NUP155: variants seen among roughly 807,000 people sequenced by gnomAD.
The protein encoded by NUP155 is nucleoporin 155, also known as nuclear pore complex protein Nup155.
A neutral mutation model predicts 180.4 loss-of-function variants in NUP155; 71 were observed. That is an observed-to-expected ratio of 0.39 (90% CI 0.33 to 0.48). The LOEUF (loss-of-function observed/expected upper bound fraction) is 0.48. Among genes scored for constraint, NUP155 ranks in the 20% least tolerant of loss-of-function variants. The pLI is 0.91. For missense variants in NUP155, 1,553 were observed against 1,648.9 expected (o/e 0.94, Z 1.01); for synonymous variants, 582 against 559.5 (o/e 1.04, Z -0.57).
chr5:37,323,155 C>G (rs1415573071), intron 20 of NUP155, among the ~76,000 whole-genome samples: 1 of 151,074 alleles, frequency 6.6e-6, no homozygotes, highest in Non-Finnish European at 1.5e-5. Flanking sequence ...CATGGTGGTG[C>G]ACATCTGTAA....
At chr5:37,344,170 T>C (rs1003478296) in intron 9 of NUP155, among the ~76,000 whole-genome samples, 2 of 151,628 alleles carry the variant, frequency 1.3e-5, no homozygotes, top group Admixed American at 6.6e-5. Context: ...TGAAACCCCA[T>C]CTCTACTAAA....
At chr5:37,310,215 G>A (rs1346379012) in intron 23 of NUP155, among the ~76,000 whole-genome samples, 2 of 151,994 alleles carry the variant, frequency 1.3e-5, no homozygotes, top group African/African-American at 4.8e-5. Flanking sequence ...GTGCACACCC[G>A]TAGCCCCTAG....
Position 37,303,342 on chromosome 5 carries a change from C to G in NUP155, c.3235G>C (p.Asp1079His), listed in dbSNP as rs1475457991. Residue 1079 changes from aspartate to histidine, a missense_variant, in exon 28 of 35, where the codon GAT becomes CAT. Physicochemically the swap from Asp to His is moderately conservative, Grantham distance 81 (BLOSUM62 -1). Transcript: ENST00000231498. Reference protein sequence around the residue: ...KVDQNRVRYMDLLWRYYEKNR... With the variant: ...KVDQNRVRYMHLLWRYYEKNR... ...TTCTCGTAATACCGCCAGAGTAAAT[C>G]CATATAACGAACTCTGTTTTGATCA... The G allele has an allele frequency of 3.7e-6, 6 of 1,613,932 alleles. No individual in the cohort carries two copies. Among genetic ancestry groups the G allele is most frequent in the Middle Eastern group, 1.6e-4 (1 of 6,084 alleles).
chr5:37,333,335 A>G, intron 13 of NUP155, 128 bp downstream of exon 13: 3 of 836,182 alleles, frequency 3.6e-6, no homozygotes, highest in Non-Finnish European at 6.0e-6. Flanking sequence ...AGCCTGGGTG[A>G]TGAGCGAGAC....
At chr5:37,314,164 A>G (rs1348562408) in intron 22 of NUP155, 34 bp downstream of exon 22, 1 of 1,468,392 alleles carries the variant, frequency 6.8e-7, no homozygotes, top group Non-Finnish European at 9.5e-7. Flanking sequence ...ACATAGTATT[A>G]ATGGTATAAT....
rs745476310 is a variant in NUP155, at chr5:37,342,639, C to T, written c.1003G>A (p.Asp335Asn). 5 of 1,600,466 alleles carry T rather than the reference C, an allele frequency of 3.1e-6. No homozygotes were observed. The highest frequency in any genetic ancestry group is 2.2e-5 in the South Asian group (2 of 90,794). ...SAAGNIARTI[D>N]RSVFKPIVQI... ...ACAATTGGTTTAAAAACAGAACGAT[C>T]GATGGTCCTAAAAGAAAGGAGAAAA... is the stretch of plus-strand genomic sequence containing the variant. Residue 335 changes from aspartate (D) to asparagine (N), a missense_variant, in exon 10 of 35, where the codon GAT becomes AAT. Transcript: ENST00000231498.
In NUP155 at chr5:37,302,819, G is replaced by A. The variant is rs751646763; in HGVS notation, c.3407C>T (p.Ala1136Val). 1 of 1,613,840 alleles carries A rather than the reference G, an allele frequency of 6.2e-7. No individual in the cohort carries two copies. The highest frequency in any genetic ancestry group is 1.1e-5 in the South Asian group (1 of 91,074). Residue 1136 changes from alanine to valine, a missense_variant, in exon 29 of 35, where the codon GCC becomes GTC. Coordinates refer to ENST00000231498, the MANE Select transcript of NUP155 (RefSeq NM_153485.3). ...TAATTCATGAAGAAATTCACCATCG[G>A]CAGCTATTGATGAAATGGCAGTGGA... is the stretch of plus-strand genomic sequence containing the variant. ...KSSTAISSIAADGEFLHELEE... is the reference protein window; with the variant it reads ...KSSTAISSIAVDGEFLHELEE...
chr5:37,349,707 T>G (rs560852876), intron 7 of NUP155, among the ~76,000 whole-genome samples: 1 of 152,162 alleles, frequency 6.6e-6, no homozygotes, highest in Non-Finnish European at 1.5e-5. Flanking sequence ...ATTTTAAAAT[T>G]CAGTCATATT....
At position 37,364,007 on chromosome 5, in the gene NUP155, C is replaced by A. The variant is rs200539629; in HGVS notation, c.296-23G>T. On this transcript the variant is annotated intron_variant, in intron 2 of 34. Coordinates refer to ENST00000231498, the MANE Select transcript of NUP155 (RefSeq NM_153485.3). ...TATCTGAGGTAGTGTGGATGTAAGG[C>A]AGACAGAGGTGAATCTTATTCTTCT... is the stretch of plus-strand genomic sequence containing the variant. The A allele has an allele frequency of 7.2e-6, 11 of 1,519,628 alleles. No homozygotes were observed. In the African/African-American group the frequency reaches 1.2e-4, roughly 17 times the overall value. The allele number at this position is 1,519,628 out of a possible 1,614,324, so 94.1% of individuals were successfully genotyped here.
intron 3 of NUP155, 129 bp from the exon 4 acceptor site, chr5:37,358,280 A>G: frequency 1.4e-6 from 1 of 723,122 alleles, no homozygotes; most frequent in Non-Finnish European, 2.5e-6. Flanking sequence ...GAAGTTCAAG[A>G]CCAGCCTGGG....
chr5:37,315,437 A>C (rs548192726), intron 21 of NUP155, among the ~76,000 whole-genome samples: 1 of 152,332 alleles, frequency 6.6e-6, no homozygotes, highest in South Asian at 2.1e-4. Flanking sequence ...ACTACTTATA[A>C]TTGATAAAAA....
At chr5:37,315,257 T>G (rs991655328) in intron 21 of NUP155, among the ~76,000 whole-genome samples, 1 of 152,074 alleles carries the variant, frequency 6.6e-6, no homozygotes, top group Non-Finnish European at 1.5e-5. Context: ...GAAAGTTCTA[T>G]CACGGCCAGA....
chr5:37,294,352 A>G lies in NUP155; in HGVS notation c.3907T>C (p.Tyr1303His). 1 of 1,595,188 alleles carries G rather than the reference A, an allele frequency of 6.3e-7. No individual in the cohort carries two copies. Among genetic ancestry groups the G allele is most frequent in the Non-Finnish European group, 8.6e-7 (1 of 1,163,832 alleles). Residue 1303 changes from tyrosine to histidine, a missense_variant, in exon 33 of 35, where the codon TAT becomes CAT. Coordinates refer to ENST00000231498, the MANE Select transcript of NUP155 (RefSeq NM_153485.3). ...ACCCGTGATTTGAACAACTGATCAT[A>G]AACTTCTAGTAGTCTAGGTAATGGT... ...GVPLPRLLEV[Y>H]DQLFKSRDPF...
intron 15 of NUP155, 52 bp downstream of exon 15, chr5:37,329,986 A>G: frequency 8.0e-7 from 1 of 1,255,212 alleles, no homozygotes. Flanking sequence ...ATCATTTTAA[A>G]AAGTGGCCCA....
intron 3 of NUP155, 41 bp downstream of exon 3, chr5:37,363,847 A>G: frequency 7.6e-7 from 1 of 1,308,208 alleles, no homozygotes; most frequent in Non-Finnish European, 1.1e-6. Flanking sequence ...GTTTATATAA[A>G]TTCCAATCAC....
chr5:37,371,091 G>T lies in NUP155; in HGVS notation c.-114C>A. The T allele has an allele frequency of 9.7e-7, 1 of 1,031,798 alleles. No homozygotes were observed. 63.9% of individuals were successfully genotyped at this position (1,031,798 alleles called of 1,614,324 possible). A position where few individuals can be genotyped will look rare whatever the true frequency, so the allele number is the denominator to read the frequency against. ...CCTAGGGCGCGCGCGCCAAACGAGC[G>T]CCTTGGCGCCTCGACATGACGCACT... is the stretch of plus-strand genomic sequence containing the variant. On this transcript the variant is annotated 5_prime_UTR_variant, in exon 1 of 35. Transcript: ENST00000231498.
At chr5:37,344,742 T>C (rs1337485361) in intron 9 of NUP155, among the ~76,000 whole-genome samples, 2 of 151,778 alleles carry the variant, frequency 1.3e-5, no homozygotes, top group Non-Finnish European at 2.9e-5. Flanking sequence ...TGTGGTGGTG[T>C]GCATCTGTAG....
intron 12 of NUP155, among the ~76,000 whole-genome samples, chr5:37,336,849 A>T (rs577373901): frequency 2.0e-5 from 3 of 152,098 alleles, no homozygotes; most frequent in Non-Finnish European, 2.9e-5. Flanking sequence ...TCCCACTTAC[A>T]CACACCTTTT....
At chr5:37,367,769 G>A (rs1040346511) in intron 1 of NUP155, among the ~76,000 whole-genome samples, 39 of 151,274 alleles carry the variant, frequency 2.6e-4, no homozygotes, top group Non-Finnish European at 1.0e-4. Flanking sequence ...TCCTGACCTC[G>A]TGATCCGCCC....
Sources: gnomAD v4.1 joint callset for allele counts (sites outside exome capture counted in the v4.1 genomes callset) on GRCh38, gnomAD v4.1.1 for gene constraint, MANE v1.5 for transcripts, NCBI Gene and HGNC (gene_info 2026-07-23, HGNC 2026-07-21) for gene names.